ABCC9: variants seen among roughly 807,000 people sequenced by gnomAD.
ABCC9 encodes the protein ATP binding cassette subfamily C member 9.
ABCC9 carries 95 observed loss-of-function variants against 188.3 expected under a neutral mutation model. That is an observed-to-expected ratio of 0.50 (90% CI 0.43 to 0.60). ABCC9 has a LOEUF of 0.60. Ranked by LOEUF, ABCC9 falls within the 20% of genes least tolerant of loss-of-function variation. The pLI, the probability that ABCC9 is intolerant of heterozygous loss-of-function variation, is 0.00. For synonymous variants in ABCC9, 659 were observed against 652.7 expected (o/e 1.01, Z -0.15); for missense variants, 1,102 against 1,876.3 (o/e 0.59, Z 7.62).
rs1381076896 is a variant in ABCC9 at position 21,797,525 on chromosome 12, C to T, written c.*3519G>A. 2 of 152,008 alleles carry T rather than the reference C, an allele frequency of 1.3e-5. No homozygotes were observed. The highest frequency in any genetic ancestry group is 3.9e-4 in the East Asian group (2 of 5,194). The allele number at this position is 152,008 out of a possible 1,614,324, so 9.4% of individuals were successfully genotyped here. ...TAGAGAATAAATAGAATAAACACAA[C>T]ATAGAAAAGGAAAGAGAATAACCTA... On this transcript the variant is annotated 3_prime_UTR_variant, in exon 40 of 40. Coordinates refer to ENST00000261200, the MANE Select transcript of ABCC9 (RefSeq NM_020297.4).
chr12:21,816,981 GT>G, intron 33 of ABCC9, among the ~76,000 whole-genome samples: 1 of 152,182 alleles, frequency 6.6e-6, no homozygotes, highest in South Asian at 2.1e-4. Flanking sequence ...ATAAATATCT[GT>G]TTGGACTCTG....
At chr12:21,858,051 G>A (rs188448303) in intron 22 of ABCC9, among the ~76,000 whole-genome samples, 7 of 152,208 alleles carry the variant, frequency 4.6e-5, no homozygotes, top group African/African-American at 1.4e-4. Context: ...GAAAGGGTGG[G>A]AATTGACAAT....
intron 5 of ABCC9, chr12:21,925,470 T>TA: frequency 1.4e-6 from 1 of 702,400 alleles, no homozygotes; most frequent in Non-Finnish European, 2.6e-6. Flanking sequence ...GTAATTCTAG[T>TA]AAAATGTGGC....
At chr12:21,911,739 T>C (rs551138130) in intron 8 of ABCC9, among the ~76,000 whole-genome samples, 1 of 152,090 alleles carries the variant, frequency 6.6e-6, no homozygotes, top group African/African-American at 2.4e-5. Flanking sequence ...TATATACAAA[T>C]GTGCAAGTCC....
chr12:21,881,504 A>T (rs187699710), intron 16 of ABCC9, among the ~76,000 whole-genome samples: 3 of 152,296 alleles, frequency 2.0e-5, no homozygotes, highest in Admixed American at 2.0e-4. Context: ...CACATGGAAA[A>T]GACATATTTT....
chr12:21,806,211 A>ATGAACCTGCTGCTGGG, intron 38 of ABCC9, 151 bp from the exon 39 acceptor site: 3 of 723,576 alleles, frequency 4.1e-6, no homozygotes, highest in Non-Finnish European at 4.8e-6. Flanking sequence ...AGTCCCCAGC[A>ATGAACCTGCTGCTGGG]GCAGGTTCAT....
At chr12:21,924,517 C>T (rs2137988193) in intron 5 of ABCC9, 1 of 152,082 alleles carries the variant, frequency 6.6e-6, no homozygotes, top group South Asian at 2.1e-4. Context: ...CCAAATTTTT[C>T]TCTGTTAAAA....
chr12:21,923,584 C>A (rs1366034952), intron 5 of ABCC9: 1 of 453,910 alleles, frequency 2.2e-6, no homozygotes, highest in Non-Finnish European at 3.9e-6. Flanking sequence ...CAATGTATTA[C>A]CAGTACACAC....
At chr12:21,853,583 C>A (rs998632673) in intron 22 of ABCC9, among the ~76,000 whole-genome samples, 2 of 152,066 alleles carry the variant, frequency 1.3e-5, no homozygotes, top group Non-Finnish European at 2.9e-5. Context: ...TAAGAACTCA[C>A]ATTAATTGTC....
intron 16 of ABCC9, among the ~76,000 whole-genome samples, chr12:21,880,733 A>T (rs1000123850): frequency 3.9e-5 from 6 of 152,098 alleles, no homozygotes; most frequent in Non-Finnish European, 7.4e-5. Context: ...TTTGGTGAAG[A>T]TGTAGAGCAA....
chr12:21,859,283 T>C lies in ABCC9; in HGVS notation c.2505+303A>G, dbSNP rs370554314. Among the ~76,000 whole-genome samples, 63 of 152,276 alleles carry C rather than the reference T, an allele frequency of 4.1e-4. 1 individual carries two copies. In the East Asian group the frequency reaches 4.2e-3, roughly 10 times the overall value. On this transcript the variant is annotated intron_variant, in intron 22 of 39. Transcript: ENST00000261200. ...GCCATCAAATATAAATAAGAAGACT[T>C]ATGATCCTGCCTCGTTCATCCAATA... is the stretch of plus-strand genomic sequence containing the variant.
intron 25 of ABCC9, among the ~76,000 whole-genome samples, chr12:21,847,923 C>T (rs1241389045): frequency 6.6e-6 from 1 of 152,164 alleles, no homozygotes; most frequent in Non-Finnish European, 1.5e-5. Context: ...CTTTCTCACA[C>T]ATAACAACTG....
intron 16 of ABCC9, among the ~76,000 whole-genome samples, chr12:21,877,022 G>A (rs916206426): frequency 2.0e-5 from 3 of 152,214 alleles, no homozygotes; most frequent in African/African-American, 7.2e-5. Flanking sequence ...ATTAGTCATG[G>A]AAGGAGGGTC....
At chr12:21,890,242 G>A (rs1410970888) in intron 14 of ABCC9, among the ~76,000 whole-genome samples, 1 of 152,084 alleles carries the variant, frequency 6.6e-6, no homozygotes, top group East Asian at 1.9e-4. Context: ...GCAAATCTGT[G>A]CATGTAATGA....
chr12:21,870,985 T>G (rs887678108), intron 18 of ABCC9, among the ~76,000 whole-genome samples: 6 of 152,320 alleles, frequency 3.9e-5, no homozygotes, highest in African/African-American at 1.4e-4. Flanking sequence ...GGCTGGGGCC[T>G]GGAAAGTTAA....
intron 34 of ABCC9, among the ~76,000 whole-genome samples, chr12:21,815,417 A>G (rs546620294): frequency 6.6e-6 from 1 of 152,178 alleles, no homozygotes; most frequent in African/African-American, 2.4e-5. Context: ...TTCTTTTTAC[A>G]ATAACTAAAA....
chr12:21,834,617 A>G (rs1461079357), intron 30 of ABCC9, among the ~76,000 whole-genome samples: 1 of 151,986 alleles, frequency 6.6e-6, no homozygotes, highest in African/African-American at 2.4e-5. Flanking sequence ...GGCCTCTCCT[A>G]TCTGGATATA....
chr12:21,915,724 C>G lies in ABCC9; in HGVS notation c.760G>C (p.Ala254Pro). The G allele has an allele frequency of 6.2e-7, 1 of 1,612,342 alleles. No individual in the cohort carries two copies. Among genetic ancestry groups the G allele is most frequent in the South Asian group, 1.1e-5 (1 of 90,996 alleles). ...DLKAIGKLPI[A>P]MRAVTNYVCL... ...ACATAATTTGTTACTGCTCTCATTG[C>G]TATTGGCAATTTTCCAATTGCCTTC... The change falls in exon 7 of 40, where the codon GCA (alanine) becomes CCA (proline). Residue 254 changes from alanine to proline, a missense_variant. Ala to Pro is a conservative substitution (Grantham distance 27). Coordinates refer to ENST00000261200, the MANE Select transcript of ABCC9 (RefSeq NM_020297.4).
At position 21,829,232 on chromosome 12, in the gene ABCC9, C is replaced by T. The variant is rs374314089; in HGVS notation, c.3567-172G>A. On this transcript the variant is annotated intron_variant, in intron 30 of 39. Coordinates refer to ENST00000261200, the MANE Select transcript of ABCC9 (RefSeq NM_020297.4). Reference sequence around the variant, plus strand: ...TTTTTTTTTTTTTCAGATGGAGTCTCGCTCTGTTGCCCAGGCTGGAGTGCA... The same window carrying T: ...TTTTTTTTTTTTTCAGATGGAGTCTTGCTCTGTTGCCCAGGCTGGAGTGCA... 1.8e-4 allele frequency among the ~76,000 whole-genome samples: 20 copies of T among 109,706 alleles called. No homozygotes were observed. In the East Asian group the frequency reaches 2.5e-3, roughly 14 times the overall value. The allele number at this position is 109,706 out of a possible 152,430, so 72.0% of individuals were successfully genotyped here.
Sources: allele counts gnomAD v4.1 joint callset (sites outside exome capture counted in the v4.1 genomes callset), GRCh38; gene constraint gnomAD v4.1.1; transcripts MANE v1.5; gene names NCBI Gene and HGNC (gene_info 2026-07-23, HGNC 2026-07-21).